Variants in TOPAZ1 observed in about 807,000 individuals in gnomAD.
TOPAZ1 encodes the protein testis and ovary specific TOPAZ 1.
A neutral mutation model predicts 172.2 loss-of-function variants in TOPAZ1; 66 were observed. The ratio of observed to expected loss-of-function variants is 0.38; its 90% confidence interval spans 0.31 to 0.47. The LOEUF is 0.47. Ranked by LOEUF, TOPAZ1 falls within the 20% of genes least tolerant of loss-of-function variation. The pLI is 0.99. For synonymous variants in TOPAZ1, 681 were observed against 683.9 expected, an observed-to-expected ratio of 1.00 and a Z score of 0.07; for missense variants, 1,822 against 1,972.4, an observed-to-expected ratio of 0.92 and a Z score of 1.44.
At chr3:44,268,306 C>T (rs1699853483) in intron 6 of TOPAZ1, among the ~76,000 whole-genome samples, 1 of 150,776 alleles carries the variant, frequency 6.6e-6, no homozygotes, top group African/African-American at 2.4e-5. Flanking sequence ...CTTGCTAAGT[C>T]CTCACATAAC....
chr3:44,329,624 A>G lies in TOPAZ1; in HGVS notation c.4859+1191A>G, dbSNP rs189123224. Among the ~76,000 whole-genome samples the G allele has an allele frequency of 2.0e-5, 3 of 152,334 alleles. No homozygotes were observed. The East Asian group carries it at 5.8e-4, about 29-fold the overall frequency. On this transcript the variant is annotated intron_variant, in intron 19 of 19. Coordinates refer to ENST00000309765, the MANE Select transcript of TOPAZ1 (RefSeq NM_001145030.2). The stretch of plus-strand genomic sequence containing the variant: ...TTCATAGATGGTAGCATAAGACACA[A>G]GACTCCTGTGTCGGAGACAGAGGAC...
chr3:44,260,975 CT>C (rs377256274), intron 4 of TOPAZ1, among the ~76,000 whole-genome samples: 42 of 115,688 alleles, frequency 3.6e-4, no homozygotes, highest in Admixed American at 5.3e-4. Context: ...AGATCTGTTT[CT>C]TTTTTTTTGT....
intron 16 of TOPAZ1, among the ~76,000 whole-genome samples, chr3:44,319,612 T>C (rs750280253): frequency 4.6e-5 from 7 of 152,188 alleles, no homozygotes; most frequent in Non-Finnish European, 1.0e-4. Flanking sequence ...AGATATTAAA[T>C]TCATTTACAT....
At chr3:44,294,251 G>T (rs1700170438) in intron 12 of TOPAZ1, among the ~76,000 whole-genome samples, 1 of 146,084 alleles carries the variant, frequency 6.8e-6, no homozygotes, top group African/African-American at 2.6e-5. Flanking sequence ...AAAAAAAAAA[G>T]ACATATAGCC....
intron 16 of TOPAZ1, among the ~76,000 whole-genome samples, chr3:44,313,126 A>G (rs953776394): frequency 2.0e-5 from 3 of 152,148 alleles, no homozygotes; most frequent in African/African-American, 7.2e-5. Context: ...ACTTTTACTG[A>G]ACTAGCTTGT....
rs1380179260 is a variant in TOPAZ1, at chr3:44,298,926, T to TG, written c.3798-5089_3798-5088insG. Among the ~76,000 whole-genome samples, 60 of 66,834 alleles carry TG rather than the reference T, an allele frequency of 9.0e-4. 1 individual carries two copies. The highest frequency in any genetic ancestry group is 2.7e-3 in the African/African-American group (53 of 19,322). 43.8% of individuals were successfully genotyped at this position (66,834 alleles called of 152,430 possible). A position where few individuals can be genotyped will look rare whatever the true frequency, so the allele number is the denominator to read the frequency against. On this transcript the variant is annotated intron_variant, in intron 12 of 19. Transcript: ENST00000309765. Reference sequence around the variant, plus strand: ...ATATATATATTTTTTTTTTTTTTTTTTTTTTTTTCCCCCTGAGATAGAGTC... The same window carrying TG: ...ATATATATATTTTTTTTTTTTTTTTTGTTTTTTTTCCCCCTGAGATAGAGTC...
chr3:44,272,302 G>GT (rs1699907161), intron 8 of TOPAZ1, among the ~76,000 whole-genome samples: 1 of 152,068 alleles, frequency 6.6e-6, no homozygotes, highest in Non-Finnish European at 1.5e-5. Context: ...TCTATTTTTA[G>GT]TTTTTTGAGG....
intron 14 of TOPAZ1, among the ~76,000 whole-genome samples, chr3:44,305,778 G>C (rs1329745620): frequency 1.3e-5 from 2 of 152,124 alleles, no homozygotes; most frequent in South Asian, 4.1e-4. Flanking sequence ...GCAGGCTTTA[G>C]ATACTCTTCC....
At chr3:44,275,393 A>G (rs901169106) in intron 8 of TOPAZ1, among the ~76,000 whole-genome samples, 1 of 151,972 alleles carries the variant, frequency 6.6e-6, no homozygotes, top group African/African-American at 2.4e-5. Flanking sequence ...CTATCATTCT[A>G]CTGTCTACCT....
intron 12 of TOPAZ1, among the ~76,000 whole-genome samples, chr3:44,292,421 T>A (rs1429102944): frequency 1.3e-5 from 2 of 152,138 alleles, no homozygotes; most frequent in African/African-American, 4.8e-5. Context: ...TGTGAAAAAC[T>A]TTTCCCATTT....
chr3:44,268,456 C>T (rs910453701), intron 6 of TOPAZ1, among the ~76,000 whole-genome samples: 1 of 150,408 alleles, frequency 6.6e-6, no homozygotes, highest in Non-Finnish European at 1.5e-5. Context: ...TCACTACAAC[C>T]TCCCCCTCCC....
chr3:44,294,499 A>AT (rs923413298), intron 12 of TOPAZ1, among the ~76,000 whole-genome samples: 10 of 151,326 alleles, frequency 6.6e-5, no homozygotes, highest in African/African-American at 1.7e-4. Context: ...CTAGGCAATT[A>AT]TTTTTTTTTC....
chr3:44,306,252 T>A, intron 14 of TOPAZ1, 74 bp from the exon 15 acceptor site: 1 of 946,006 alleles, frequency 1.1e-6, no homozygotes, highest in Non-Finnish European at 1.6e-6. Flanking sequence ...TATCAATAAT[T>A]CTGTATTAGT....
chr3:44,244,423 T>G lies in TOPAZ1; in HGVS notation c.1917T>G (p.Leu639=). The change falls in exon 2 of 20, where the codon CTT becomes CTG. Residue 639 remains leucine, a synonymous_variant. Transcript: ENST00000309765. ...AAGCTAGAGGAAATTTAACGAAACT[T>G]AATTTGACAGCGACTTCCAAAGATG... ...KKKARGNLTK[L]NLTATSKDGQ... is the part of the protein sequence containing the mutation. 6.4e-7 allele frequency: 1 copy of G among 1,551,190 alleles called. No individual in the cohort carries two copies. Among genetic ancestry groups the G allele is most frequent in the South Asian group, 1.2e-5 (1 of 83,710 alleles).
intron 2 of TOPAZ1, among the ~76,000 whole-genome samples, chr3:44,249,154 A>C (rs1411270790): frequency 6.6e-6 from 1 of 152,122 alleles, no homozygotes; most frequent in East Asian, 1.9e-4. Context: ...TTATATGCTA[A>C]AATATCAGTT....
At chr3:44,262,580 G>A in intron 5 of TOPAZ1, 97 bp downstream of exon 5, 1 of 590,188 alleles carries the variant, frequency 1.7e-6, no homozygotes, top group Non-Finnish European at 2.9e-6. Flanking sequence ...TATATGCTTG[G>A]GCTATATGCC....
At chr3:44,310,424 G>T (rs190190361) in intron 16 of TOPAZ1, among the ~76,000 whole-genome samples, 16 of 152,188 alleles carry the variant, frequency 1.1e-4, no homozygotes, top group African/African-American at 2.9e-4. Context: ...GCTTGAACCC[G>T]GGAGGCGGAG....
At chr3:44,284,507 A>G (rs536965171) in intron 9 of TOPAZ1, among the ~76,000 whole-genome samples, 9 of 152,238 alleles carry the variant, frequency 5.9e-5, no homozygotes, top group African/African-American at 1.9e-4. Flanking sequence ...CATTTTGTTT[A>G]TATATTCATC....
chr3:44,305,767 T>C (rs1330612591), intron 14 of TOPAZ1, among the ~76,000 whole-genome samples: 3 of 152,236 alleles, frequency 2.0e-5, no homozygotes, highest in African/African-American at 7.2e-5. Flanking sequence ...GATAAATTAA[T>C]GCAGGCTTTA....
Sources: allele counts gnomAD v4.1 joint callset (sites outside exome capture counted in the v4.1 genomes callset), GRCh38; gene constraint gnomAD v4.1.1; transcripts MANE v1.5; gene names NCBI Gene and HGNC (gene_info 2026-07-23, HGNC 2026-07-21).